SMAP2: variants seen among roughly 807,000 people sequenced by gnomAD.
The protein encoded by SMAP2 is stromal membrane-associated protein 2.
SMAP2 carries 25 observed loss-of-function variants against 56.4 expected under a neutral mutation model. That is an observed-to-expected ratio of 0.44 (90% CI 0.32 to 0.62). SMAP2 has a LOEUF of 0.62. SMAP2 is among the 20% of genes least tolerant of loss of function. The probability of loss-of-function intolerance (pLI) is 0.04; values close to 1 mark genes in which losing one functional copy is unlikely to be tolerated. For missense variants in SMAP2, 388 were observed against 545.6 expected, an observed-to-expected ratio of 0.71 and a Z score of 2.88; for synonymous variants, 157 against 181.7, an observed-to-expected ratio of 0.86 and a Z score of 1.09.
chr1:40,417,276 T>G (rs1167734051), intron 9 of SMAP2, among the ~76,000 whole-genome samples, 180 bp downstream of exon 9: 1 of 151,668 alleles, frequency 6.6e-6, no homozygotes, highest in African/African-American at 2.4e-5. Flanking sequence ...AGTCAGACTT[T>G]CTGAGGAGTT....
chr1:40,411,076 T>A (rs1644931297), intron 4 of SMAP2, among the ~76,000 whole-genome samples: 1 of 152,202 alleles, frequency 6.6e-6, no homozygotes, highest in East Asian at 1.9e-4. Flanking sequence ...AGGCTGATCT[T>A]ATGAAGCTGT....
At position 40,403,108 on chromosome 1, in the gene SMAP2, C is replaced by T. The variant is rs887726930; in HGVS notation, c.104-3628C>T. ...GGAAGCTGCTTAAATTTTCATGTTG[C>T]CTAGAAGACTTTGAAATTGGGTCTA... On this transcript the variant is annotated intron_variant, in intron 1 of 9. Transcript: ENST00000372718. Among the ~76,000 whole-genome samples, 14 of 152,294 alleles carry T rather than the reference C, an allele frequency of 9.2e-5. 1 individual carries two copies. Among genetic ancestry groups the T allele is most frequent in the East Asian group, 5.8e-4 (3 of 5,186 alleles).
At chr1:40,396,984 C>T (rs1644778194) in intron 1 of SMAP2, 1 of 268,000 alleles carries the variant, frequency 3.7e-6, no homozygotes, top group African/African-American at 2.3e-5. Context: ...CAAGTTATGT[C>T]ACGTAGAATT....
At chr1:40,410,602 G>A (rs1160392913) in intron 4 of SMAP2, among the ~76,000 whole-genome samples, 1 of 152,046 alleles carries the variant, frequency 6.6e-6, no homozygotes, top group Non-Finnish European at 1.5e-5. Context: ...CCAGTGTGTT[G>A]GACTGATTGC....
intron 1 of SMAP2, among the ~76,000 whole-genome samples, chr1:40,354,610 T>TA (rs1349779902): frequency 1.4e-4 from 21 of 152,036 alleles, no homozygotes; most frequent in African/African-American, 5.1e-4. Context: ...GTGCTGGGAT[T>TA]ACAGGCGTGA....
chr1:40,394,747 G>C (rs561020392), intron 1 of SMAP2, among the ~76,000 whole-genome samples: 3 of 152,000 alleles, frequency 2.0e-5, no homozygotes, highest in East Asian at 3.9e-4. Context: ...TTTTTACGAC[G>C]ATGTAATTGA....
At chr1:40,346,664 A>G (rs1644386985) in intron 1 of SMAP2, among the ~76,000 whole-genome samples, 4 of 151,956 alleles carry the variant, frequency 2.6e-5, no homozygotes, top group Non-Finnish European at 5.9e-5. Flanking sequence ...GCCACTGCAC[A>G]TAACCAAAAG....
intron 1 of SMAP2, among the ~76,000 whole-genome samples, chr1:40,403,294 T>C (rs543306514): frequency 1.3e-5 from 2 of 152,070 alleles, no homozygotes; most frequent in South Asian, 4.2e-4. Context: ...TCACCAGAGG[T>C]CTGGAGTTTG....
chr1:40,393,468 G>C, intron 1 of SMAP2: 1 of 1,532,156 alleles, frequency 6.5e-7, no homozygotes, highest in Middle Eastern at 1.7e-4. Flanking sequence ...TTTGCAAATA[G>C]AGGAAATAGG....
At chr1:40,371,109 G>A (rs1388832202), upstream of SMAP2, among the ~76,000 whole-genome samples, 1 of 151,942 alleles carries the variant, frequency 6.6e-6, no homozygotes, top group African/African-American at 2.4e-5. Flanking sequence ...GGAGGCGGAG[G>A]TTGCAGTGAG....
chr1:40,406,449 G>A (rs186915964), intron 1 of SMAP2, among the ~76,000 whole-genome samples: 85 of 152,326 alleles, frequency 5.6e-4, no homozygotes, highest in Admixed American at 5.0e-3. Flanking sequence ...GGTAGTGCCT[G>A]CTAATGGGTT....
rs1644906609 is a variant in SMAP2 at position 40,408,547 on chromosome 1, C to T, written c.238-106C>T. ...ACAAGTTTAAATGTTGGTTCTGACA[C>T]TCTCTAGGTTGGTTCTTCAATTGTA... On this transcript the variant is annotated intron_variant, in intron 2 of 9. Transcript: ENST00000372718. This position sits in a 1 kb window ranked among gnomAD's most constrained non-coding sequence, Gnocchi z 4.3. The T allele has an allele frequency of 1.2e-6, 1 of 806,838 alleles. No individual in the cohort carries two copies. Among genetic ancestry groups the T allele is most frequent in the Non-Finnish European group, 2.0e-6 (1 of 489,606 alleles). The allele number at this position is 806,838 out of a possible 1,614,324, so 50.0% of individuals were successfully genotyped here.
intron 1 of SMAP2, among the ~76,000 whole-genome samples, chr1:40,404,895 G>C (rs1315917784): frequency 6.6e-6 from 1 of 152,174 alleles, no homozygotes; most frequent in Non-Finnish European, 1.5e-5. Context: ...GTGTTTATTA[G>C]ATACATGGCG....
rs1557477421 is a variant in SMAP2 at position 40,422,408 on chromosome 1, C to T, written c.*307C>T. ...GGAGAAGTGTGCACACCTTTGAGTC[C>T]CTTCCCTCAAGGTTAAAGCTCCTGT... On this transcript the variant is annotated 3_prime_UTR_variant, in exon 10 of 10. Transcript: ENST00000372718. 1 of 318,944 alleles carries T rather than the reference C, an allele frequency of 3.1e-6. No individual in the cohort carries two copies. Among genetic ancestry groups the T allele is most frequent in the Non-Finnish European group, 6.2e-6 (1 of 162,288 alleles). 19.8% of individuals were successfully genotyped at this position (318,944 alleles called of 1,614,324 possible).
At chr1:40,387,974 C>T (rs1320652964) in intron 1 of SMAP2, among the ~76,000 whole-genome samples, 1 of 152,114 alleles carries the variant, frequency 6.6e-6, no homozygotes, top group African/African-American at 2.4e-5. Context: ...TGGCCCTGGG[C>T]AATGAGGGGC....
chr1:40,348,882 TG>T (rs779113369), intron 1 of SMAP2, among the ~76,000 whole-genome samples: 8 of 152,142 alleles, frequency 5.3e-5, no homozygotes, highest in Non-Finnish European at 1.0e-4. Flanking sequence ...GCGATTCTCC[TG>T]CCTCATTCTC....
At chr1:40,418,745 G>C (rs1325645533) in intron 9 of SMAP2, among the ~76,000 whole-genome samples, 1 of 152,108 alleles carries the variant, frequency 6.6e-6, no homozygotes, top group Non-Finnish European at 1.5e-5. Flanking sequence ...GAATAACAAG[G>C]AGAGTAGTAT....
chr1:40,350,117 C>T (rs1644404107), intron 1 of SMAP2, among the ~76,000 whole-genome samples: 1 of 152,146 alleles, frequency 6.6e-6, no homozygotes. Context: ...AGCTGCCCAG[C>T]AGAGTACTCT....
Position 40,374,052 on chromosome 1 carries a change from C to T in SMAP2, c.-69C>T. 1 of 1,283,240 alleles carries T rather than the reference C, an allele frequency of 7.8e-7. No homozygotes were observed. The highest frequency in any genetic ancestry group is 1.1e-6 in the Non-Finnish European group (1 of 899,134). The allele number at this position is 1,283,240 out of a possible 1,614,324, so 79.5% of individuals were successfully genotyped here. Reference sequence around the variant, plus strand: ...GCGGGGGACCGGGAGTCCTCAACCCCGGACTGAGGCAGGGGTCTCTGGGGG... The same window carrying T: ...GCGGGGGACCGGGAGTCCTCAACCCTGGACTGAGGCAGGGGTCTCTGGGGG... On this transcript the variant is annotated 5_prime_UTR_variant, in exon 1 of 10. Coordinates refer to ENST00000372718, the MANE Select transcript of SMAP2 (RefSeq NM_022733.3). This position sits in a 1 kb window ranked among gnomAD's most constrained non-coding sequence, Gnocchi z 5.9.
Sources: gnomAD v4.1 joint callset for allele counts (sites outside exome capture counted in the v4.1 genomes callset) on GRCh38, gnomAD v4.1.1 for gene constraint, Gnocchi (gnomAD v3.1) non-coding constraint, MANE v1.5 for transcripts, NCBI Gene and HGNC (gene_info 2026-07-23, HGNC 2026-07-21) for gene names.